Variants in MBTD1 observed in about 807,000 individuals in gnomAD.
MBTD1 encodes MBT domain-containing protein 1.
MBTD1 carries 24 observed loss-of-function variants against 87.8 expected under a neutral mutation model. The ratio of observed to expected loss-of-function variants is 0.27; its 90% confidence interval spans 0.20 to 0.38. The LOEUF (loss-of-function observed/expected upper bound fraction) is 0.38. Ranked by LOEUF, MBTD1 falls within the 10% of genes least tolerant of loss-of-function variation. The pLI is 1.00. For missense variants in MBTD1, 436 were observed against 760.2 expected (o/e 0.57, Z 5.02); for synonymous variants, 237 against 248.6 (o/e 0.95, Z 0.44).
intron 6 of MBTD1, among the ~76,000 whole-genome samples, chr17:51,212,849 C>T (rs546952507): frequency 2.0e-5 from 3 of 152,038 alleles, no homozygotes; most frequent in Admixed American, 1.3e-4. Flanking sequence ...CTCCACCTTC[C>T]GGTTTCAAGC....
At chr17:51,226,392 T>G (rs1239514105) in intron 2 of MBTD1, among the ~76,000 whole-genome samples, 1 of 151,088 alleles carries the variant, frequency 6.6e-6, no homozygotes, top group Non-Finnish European at 1.5e-5. Flanking sequence ...GGCACGCATC[T>G]GTAGTCCCAG....
rs1287571666 is a variant in MBTD1 at position 51,197,091 on chromosome 17, T to C, written c.1225-1730A>G. Among the ~76,000 whole-genome samples the C allele has an allele frequency of 1.3e-3, 15 of 11,690 alleles. 1 individual carries two copies. The highest frequency in any genetic ancestry group is 2.1e-3 in the South Asian group (1 of 484). 7.7% of individuals were successfully genotyped at this position (11,690 alleles called of 152,430 possible). ...ATATATATATATATATATATATATA[T>C]ATATATATATATATATATATATATA... On this transcript the variant is annotated intron_variant, in intron 12 of 16. Coordinates refer to ENST00000586178, the MANE Select transcript of MBTD1 (RefSeq NM_017643.3).
At chr17:51,254,489 A>G (rs556785388) in intron 2 of MBTD1, among the ~76,000 whole-genome samples, 117 of 152,362 alleles carry the variant, frequency 7.7e-4, no homozygotes, top group Middle Eastern at 3.4e-3. Flanking sequence ...AAAGAAATGG[A>G]AAAGTACCCA....
At chr17:51,238,667 GAA>G (rs1362670194) in intron 2 of MBTD1, among the ~76,000 whole-genome samples, 1 of 152,010 alleles carries the variant, frequency 6.6e-6, no homozygotes, top group Non-Finnish European at 1.5e-5. Flanking sequence ...CTGACTAAAT[GAA>G]AAAAGTGAAC....
At chr17:51,191,149 T>C (rs2050788651) in intron 16 of MBTD1, among the ~76,000 whole-genome samples, 1 of 152,128 alleles carries the variant, frequency 6.6e-6, no homozygotes, top group South Asian at 2.1e-4. Context: ...TGGCTTTCTA[T>C]GGTGGGGAAA....
intron 16 of MBTD1, among the ~76,000 whole-genome samples, chr17:51,191,183 GT>G (rs2050790941): frequency 6.6e-6 from 1 of 151,128 alleles, no homozygotes; most frequent in African/African-American, 2.4e-5. Flanking sequence ...ATCAAACATA[GT>G]TATCAATATA....
In MBTD1 at chr17:51,245,045, C is replaced by T. The variant is rs565331083; in HGVS notation, c.-49+14098G>A. 5.9e-5 allele frequency among the ~76,000 whole-genome samples: 9 copies of T among 152,200 alleles called. No homozygotes were observed. In the South Asian group the frequency reaches 8.3e-4, roughly 14 times the overall value. On this transcript the variant is annotated intron_variant, in intron 2 of 16. Transcript: ENST00000586178. ...CTTCTCGAGTAGCTGGCACTACAGG[C>T]GTGTGCCACCACGCCCGGCTAATTT...
At position 51,225,071 on chromosome 17, in the gene MBTD1, T is replaced by C. The variant is rs1598379158; in HGVS notation, c.91A>G (p.Asn31Asp). 1 of 1,551,728 alleles carries C rather than the reference T, an allele frequency of 6.4e-7. No individual in the cohort carries two copies. Among genetic ancestry groups the C allele is most frequent in the Admixed American group, 2.0e-5 (1 of 50,964 alleles). Residue 31 changes from asparagine (N) to aspartate (D), a missense_variant, in exon 3 of 17, where the codon AAT (asparagine) becomes GAT (aspartate). Around this residue, in one of 5 missense-constraint regions of MBTD1, gnomAD observed 18 missense variants for 107.8 expected, o/e 0.17. Transcript: ENST00000586178. ...SEEEVAPLPS[N>D]LPIIKNNGQV... ...CCATTGTTTTTGATAATCGGGAGAT[T>C]AGAAGGTAAAGGAGCGACTTCTTCC...
At chr17:51,216,744 T>C (rs2052592293) in intron 6 of MBTD1, among the ~76,000 whole-genome samples, 1 of 152,208 alleles carries the variant, frequency 6.6e-6, no homozygotes, top group East Asian at 1.9e-4. Flanking sequence ...ATACTAGCAA[T>C]TTCATTTACT....
intron 7 of MBTD1, among the ~76,000 whole-genome samples, chr17:51,204,799 C>T (rs888325195): frequency 6.6e-6 from 1 of 152,164 alleles, no homozygotes; most frequent in African/African-American, 2.4e-5. Flanking sequence ...CTGTGCTTGG[C>T]CTTGAAATGT....
intron 2 of MBTD1, among the ~76,000 whole-genome samples, chr17:51,258,131 G>C (rs762732782): frequency 2.0e-5 from 3 of 152,116 alleles, no homozygotes; most frequent in Non-Finnish European, 4.4e-5. Flanking sequence ...AGTTATAAGA[G>C]GAGGAGAGAA....
At chr17:51,237,046 C>A (rs538839582) in intron 2 of MBTD1, among the ~76,000 whole-genome samples, 1 of 151,872 alleles carries the variant, frequency 6.6e-6, no homozygotes, top group South Asian at 2.1e-4. Flanking sequence ...GTCTGTAATC[C>A]CAGCACCTGG....
At chr17:51,210,915 T>C (rs139584031) in intron 6 of MBTD1, among the ~76,000 whole-genome samples, 2,833 of 152,196 alleles carry the variant, frequency 0.019, 60 homozygotes, top group African/African-American at 0.046. Context: ...GGTGGGCAGA[T>C]CACTTGAGGC....
rs866193736 is a variant in MBTD1, at chr17:51,199,396, T to C, written c.1224+2196A>G. 2.6e-5 allele frequency among the ~76,000 whole-genome samples: 4 copies of C among 151,156 alleles called. No homozygotes were observed. The South Asian group carries it at 6.3e-4, about 24-fold the overall frequency. On this transcript the variant is annotated intron_variant, in intron 12 of 16. Transcript: ENST00000586178. ...ATTGTAATAAAAAAAGGGCCCAGCC[T>C]TTTTTTTTCTTTTTAACATGATCAA...
At chr17:51,247,755 T>C (rs577292480) in intron 2 of MBTD1, among the ~76,000 whole-genome samples, 1 of 152,312 alleles carries the variant, frequency 6.6e-6, no homozygotes, top group African/African-American at 2.4e-5. Flanking sequence ...CAGTCCAGTA[T>C]TACTCTTACG....
rs2144912963 is a variant in MBTD1, at chr17:51,177,982, C to G, written c.*2594G>C. 1 of 152,108 alleles carries G rather than the reference C, an allele frequency of 6.6e-6. No individual in the cohort carries two copies. The highest frequency in any genetic ancestry group is 1.5e-5 in the Non-Finnish European group (1 of 67,986). 9.4% of individuals were successfully genotyped at this position (152,108 alleles called of 1,614,324 possible). ...ATAAAAACAAACAAACACTGAAAACCCGTGTTAGTATCGTAGAATAAGAAG... is the reference window on the plus strand; with the variant it reads ...ATAAAAACAAACAAACACTGAAAACGCGTGTTAGTATCGTAGAATAAGAAG... On this transcript the variant is annotated 3_prime_UTR_variant, in exon 17 of 17. Transcript: ENST00000586178.
chr17:51,197,121 G>A (rs1394868275), intron 12 of MBTD1, among the ~76,000 whole-genome samples: 3 of 74,552 alleles, frequency 4.0e-5, no homozygotes, highest in Non-Finnish European at 7.2e-5. Flanking sequence ...TATATATGGA[G>A]GACGGAGTCT....
At chr17:51,243,201 C>A (rs1449801446) in intron 2 of MBTD1, among the ~76,000 whole-genome samples, 1 of 152,054 alleles carries the variant, frequency 6.6e-6, no homozygotes, top group Non-Finnish European at 1.5e-5. Flanking sequence ...TGCTTGTTTC[C>A]CCAGAGGTGC....
At chr17:51,214,017 C>CA (rs2052414986) in intron 6 of MBTD1, among the ~76,000 whole-genome samples, 2 of 151,848 alleles carry the variant, frequency 1.3e-5, no homozygotes, top group East Asian at 3.8e-4. Flanking sequence ...TCATAATACA[C>CA]AGATTTTTTA....
Sources: allele counts gnomAD v4.1 joint callset (sites outside exome capture counted in the v4.1 genomes callset), GRCh38; gene constraint gnomAD v4.1.1; regional missense constraint gnomAD v4.1.1; transcripts MANE v1.5; gene names NCBI Gene and HGNC (gene_info 2026-07-23, HGNC 2026-07-21).